RALYL: variants seen among roughly 807,000 people sequenced by gnomAD.
The protein encoded by RALYL is RALY RNA binding protein like, also known as RNA-binding Raly-like protein.
RALYL carries 29 observed loss-of-function variants against 35.1 expected under a neutral mutation model. The observed-to-expected ratio is 0.83, with a 90% CI of 0.61 to 1.13. The LOEUF (loss-of-function observed/expected upper bound fraction) is 1.13, where lower values mean the gene tolerates loss of function less well. Among genes scored for constraint, RALYL ranks in the 50% most tolerant of loss-of-function variants. The pLI, the probability that RALYL is intolerant of heterozygous loss-of-function variation, is 0.00. For synonymous variants in RALYL, 120 were observed against 127.6 expected, an observed-to-expected ratio of 0.94 and a Z score of 0.40; for missense variants, 359 against 360.4, an observed-to-expected ratio of 1.00 and a Z score of 0.03.
intron 2 of RALYL, among the ~76,000 whole-genome samples, chr8:84,622,232 A>G (rs1335840156): frequency 6.6e-6 from 1 of 152,166 alleles, no homozygotes; most frequent in Non-Finnish European, 1.5e-5. Flanking sequence ...ACGTGGTAAT[A>G]ACCTGGTAGA....
intron 1 of RALYL, among the ~76,000 whole-genome samples, chr8:84,289,426 C>CTT (rs1036913812): frequency 3.3e-5 from 5 of 152,052 alleles, no homozygotes; most frequent in African/African-American, 1.2e-4. Context: ...ACCCTAAGGT[C>CTT]TTTTTGATCA....
chr8:84,707,902 A>G (rs1841495059), intron 2 of RALYL, among the ~76,000 whole-genome samples: 1 of 152,124 alleles, frequency 6.6e-6, no homozygotes, highest in Non-Finnish European at 1.5e-5. Context: ...AATCCAGGGC[A>G]TTTCCATTTT....
At chr8:84,272,183 C>A (rs1011713783) in intron 1 of RALYL, among the ~76,000 whole-genome samples, 3 of 152,098 alleles carry the variant, frequency 2.0e-5, no homozygotes, top group Non-Finnish European at 2.9e-5. Context: ...ACCTCCACCT[C>A]CCAGGTTCAA....
intron 1 of RALYL, among the ~76,000 whole-genome samples, chr8:84,477,813 A>T (rs114367640): frequency 0.012 from 1,766 of 152,000 alleles, 32 homozygotes; most frequent in African/African-American, 0.04. Flanking sequence ...AGTGGAAGTG[A>T]TATCCTTAAC....
At chr8:84,616,810 G>A (rs1419541849) in intron 2 of RALYL, among the ~76,000 whole-genome samples, 1 of 151,848 alleles carries the variant, frequency 6.6e-6, no homozygotes, top group African/African-American at 2.4e-5. Flanking sequence ...TTCTACATAT[G>A]CCTAGTCAGT....
chr8:84,858,380 C>T (rs952387364), intron 5 of RALYL, among the ~76,000 whole-genome samples: 2 of 151,978 alleles, frequency 1.3e-5, no homozygotes, highest in Non-Finnish European at 2.9e-5. Flanking sequence ...CATTATAAAC[C>T]ATTATCTATT....
intron 2 of RALYL, among the ~76,000 whole-genome samples, chr8:84,616,847 G>A (rs1819831430): frequency 6.6e-6 from 1 of 151,730 alleles, no homozygotes; most frequent in Admixed American, 6.6e-5. Context: ...ATTAAGTAGG[G>A]AATCCTTTCC....
chr8:84,428,671 C>A (rs182012595), intron 1 of RALYL, among the ~76,000 whole-genome samples: 1 of 152,274 alleles, frequency 6.6e-6, no homozygotes, highest in Non-Finnish European at 1.5e-5. Flanking sequence ...TGCTCACACA[C>A]ATATGCTAAG....
intron 4 of RALYL, among the ~76,000 whole-genome samples, chr8:84,833,005 A>T (rs1831220281): frequency 6.6e-6 from 1 of 152,176 alleles, no homozygotes; most frequent in African/African-American, 2.4e-5. Context: ...CACAATGAAG[A>T]AATTCAATTC....
intron 1 of RALYL, among the ~76,000 whole-genome samples, chr8:84,459,014 A>G (rs1287399695): frequency 6.6e-6 from 1 of 151,752 alleles, no homozygotes; most frequent in East Asian, 1.9e-4. Flanking sequence ...ATATTTTAAA[A>G]TTAAAGCATT....
chr8:84,550,557 T>A (rs2060646264), intron 2 of RALYL, among the ~76,000 whole-genome samples: 2 of 151,658 alleles, frequency 1.3e-5, no homozygotes, highest in South Asian at 4.1e-4. Context: ...CACATAGACT[T>A]AGTTAAAATA....
rs1429011167 is a variant in RALYL, at chr8:84,198,742, G to A, written c.-24+14318G>A. On this transcript the variant is annotated intron_variant, in intron 1 of 8. Coordinates refer to ENST00000521268, the MANE Select transcript of RALYL (RefSeq NM_173848.7). ...GGATCCCCAGAATAAGTAAGAATAT[G>A]CAACATTGATCTTTCTGTGCCTATC... Among the ~76,000 whole-genome samples the A allele has an allele frequency of 2.0e-5, 3 of 152,236 alleles. No homozygotes were observed. In the South Asian group the frequency reaches 6.2e-4, roughly 32 times the overall value.
At chr8:84,477,254 A>G (rs909785132) in intron 1 of RALYL, among the ~76,000 whole-genome samples, 2 of 151,970 alleles carry the variant, frequency 1.3e-5, no homozygotes, top group African/African-American at 4.8e-5. Flanking sequence ...TCCATGTCCT[A>G]TTTTTAACTA....
chr8:84,823,248 A>C (rs368717211), intron 4 of RALYL, among the ~76,000 whole-genome samples: 1 of 152,200 alleles, frequency 6.6e-6, no homozygotes, highest in Non-Finnish European at 1.5e-5. Flanking sequence ...AGACAAGACT[A>C]CATCTTTGCC....
chr8:84,698,047 A>G (rs1417394198), intron 2 of RALYL, among the ~76,000 whole-genome samples: 1 of 152,086 alleles, frequency 6.6e-6, no homozygotes, highest in African/African-American at 2.4e-5. Flanking sequence ...TTCTTTGACA[A>G]TTAGTTTTAC....
At chr8:84,555,710 A>C (rs902735249) in intron 2 of RALYL, among the ~76,000 whole-genome samples, 3 of 152,230 alleles carry the variant, frequency 2.0e-5, no homozygotes, top group Non-Finnish European at 4.4e-5. Flanking sequence ...TTGCCACTTA[A>C]CATATGCTAG....
At chr8:84,515,344 C>T (rs1293792074) in intron 1 of RALYL, among the ~76,000 whole-genome samples, 3 of 152,034 alleles carry the variant, frequency 2.0e-5, no homozygotes, top group Non-Finnish European at 4.4e-5. Flanking sequence ...ATATAGTGGG[C>T]ACTAGCATGT....
chr8:84,787,194 G>A (rs1015339525), intron 3 of RALYL, among the ~76,000 whole-genome samples: 1 of 142,838 alleles, frequency 7.0e-6, no homozygotes, highest in African/African-American at 2.6e-5. Flanking sequence ...GGCGTGTGAT[G>A]TTCCCCTCTC....
rs551224704 is a variant in RALYL at position 84,614,892 on chromosome 8, G to A, written c.256+85315G>A. ...ACAGTTTCCCCAGAATTATCCAGGAGGATATGGTACAGGCACTGTACATGG... is the reference window on the plus strand; with the variant it reads ...ACAGTTTCCCCAGAATTATCCAGGAAGATATGGTACAGGCACTGTACATGG... On this transcript the variant is annotated intron_variant, in intron 2 of 8. Transcript: ENST00000521268. 2.0e-4 allele frequency among the ~76,000 whole-genome samples: 30 copies of A among 151,000 alleles called. 2 individuals are homozygous for A. In the South Asian group the frequency reaches 6.0e-3, roughly 30 times the overall value.
Sources: gnomAD v4.1 joint callset for allele counts (sites outside exome capture counted in the v4.1 genomes callset) on GRCh38, gnomAD v4.1.1 for gene constraint, MANE v1.5 for transcripts, NCBI Gene and HGNC (gene_info 2026-07-23, HGNC 2026-07-21) for gene names.